Variants in AUNIP observed in about 807,000 individuals in gnomAD.
AUNIP encodes the protein aurora kinase A and ninein interacting protein, also known as aurora kinase A- and ninein-interacting protein.
In AUNIP, 16 loss-of-function variants were observed where a neutral mutation model predicts 12.2. That is an observed-to-expected ratio of 1.31 (90% CI 0.88 to 1.99). The LOEUF (loss-of-function observed/expected upper bound fraction) is 1.99, where lower values mean the gene tolerates loss of function less well. Among genes scored for constraint, AUNIP ranks in the 30% most tolerant of loss-of-function variants. AUNIP has a pLI of 0.00. For synonymous variants in AUNIP, 142 were observed against 154.8 expected (o/e 0.92, Z 0.61); for missense variants, 411 against 419.1 (o/e 0.98, Z 0.17).
chr1:25,853,505 G>A (rs1349702777), intron 1 of AUNIP, among the ~76,000 whole-genome samples: 1 of 152,168 alleles, frequency 6.6e-6, no homozygotes, highest in Non-Finnish European at 1.5e-5. Context: ...GGTGAGGCAG[G>A]AGAATCGTCT....
chr1:25,852,567 G>A (rs987278767), intron 1 of AUNIP, among the ~76,000 whole-genome samples: 2 of 151,174 alleles, frequency 1.3e-5, no homozygotes, highest in East Asian at 3.9e-4. Context: ...AGCCTCCTGA[G>A]TAGCTGGGAT....
chr1:25,845,397 C>T (rs908147084), intron 1 of AUNIP, among the ~76,000 whole-genome samples: 6 of 152,178 alleles, frequency 3.9e-5, no homozygotes, highest in African/African-American at 1.4e-4. Context: ...TCCATGCATC[C>T]CATAACATAA....
rs202007540 is a variant in AUNIP, at chr1:25,835,767, C to T, written c.300G>A (p.Ala100=). The T allele has an allele frequency of 3.7e-5, 59 of 1,614,128 alleles. No homozygotes were observed. Among genetic ancestry groups the T allele is most frequent in the East Asian group, 1.3e-4 (6 of 44,888 alleles). The part of the protein sequence containing the change: ...SQINKESKKN[A]TQLDHLIPGL... ...CTGGGATCAAATGGTCTAGCTGGGT[C>T]GCATTTTTCTTGGACTCTTTGTTGA... is the stretch of plus-strand genomic sequence containing the variant. The change falls in exon 3 of 3, where the codon GCG becomes GCA. Residue 100 remains alanine, a synonymous_variant. Coordinates refer to ENST00000374298, the MANE Select transcript of AUNIP (RefSeq NM_024037.3).
rs554326530 is a variant in AUNIP, at chr1:25,834,445, C to T, written c.*548G>A. On this transcript the variant is annotated 3_prime_UTR_variant, in exon 3 of 3. Transcript: ENST00000374298. ...CCTGGCTAATATGGTGAAACCTCGT[C>T]TCTACTAAAAATCCAAAAAAAATTA... 76 of 817,320 alleles carry T rather than the reference C, an allele frequency of 9.3e-5. 1 individual carries two copies. In the African/African-American group the frequency reaches 1.0e-3, roughly 11 times the overall value. The allele number at this position is 817,320 out of a possible 1,614,324, so 50.6% of individuals were successfully genotyped here.
chr1:25,859,423 A>T lies in AUNIP; in HGVS notation c.-66T>A, dbSNP rs959250281. ...CTCCCGGCGCCTCAGGGAACGCCAG[A>T]ACCGCGGCCGCCGACGTTCGGATCT... On this transcript the variant is annotated 5_prime_UTR_variant, in exon 1 of 3. Coordinates refer to ENST00000374298, the MANE Select transcript of AUNIP (RefSeq NM_024037.3). 9.2e-5 allele frequency: 127 copies of T among 1,387,506 alleles called. No individual in the cohort carries two copies. Among genetic ancestry groups the T allele is most frequent in the Non-Finnish European group, 1.1e-4 (122 of 1,065,130 alleles). The allele number at this position is 1,387,506 out of a possible 1,614,324, so 85.9% of individuals were successfully genotyped here.
chr1:25,856,371 A>AC (rs2048460612), intron 1 of AUNIP, among the ~76,000 whole-genome samples: 1 of 151,654 alleles, frequency 6.6e-6, no homozygotes, highest in Non-Finnish European at 1.5e-5. Context: ...CTCAAAAAAA[A>AC]AAAAACAAAA....
chr1:25,854,084 G>A (rs973857515), intron 1 of AUNIP, among the ~76,000 whole-genome samples: 1 of 152,048 alleles, frequency 6.6e-6, no homozygotes, highest in South Asian at 2.1e-4. Context: ...AGTGGTGCAC[G>A]CCTGTAATCC....
At chr1:25,843,164 C>A (rs1469289055) in intron 1 of AUNIP, among the ~76,000 whole-genome samples, 2 of 121,688 alleles carry the variant, frequency 1.6e-5, no homozygotes, top group Admixed American at 7.6e-5. Context: ...GTGACAGAGA[C>A]CCCATCTCAA....
At chr1:25,848,517 C>T (rs1351130183) in intron 1 of AUNIP, among the ~76,000 whole-genome samples, 1 of 148,010 alleles carries the variant, frequency 6.8e-6, no homozygotes, top group East Asian at 2.0e-4. Context: ...GAATCTTATG[C>T]AAGGAGAGGC....
intron 1 of AUNIP, among the ~76,000 whole-genome samples, chr1:25,856,341 G>A (rs2048459894): frequency 4.0e-5 from 6 of 150,968 alleles, no homozygotes; most frequent in Admixed American, 4.0e-4. Flanking sequence ...TCCAGCCTGG[G>A]TGACAGAGCA....
chr1:25,837,921 T>C (rs1451299008), intron 1 of AUNIP, among the ~76,000 whole-genome samples: 2 of 152,300 alleles, frequency 1.3e-5, no homozygotes, highest in East Asian at 3.9e-4. Flanking sequence ...AGTAGTCACA[T>C]AGTGGTGGTT....
intron 1 of AUNIP, among the ~76,000 whole-genome samples, chr1:25,841,981 A>G (rs2048350457): frequency 6.6e-6 from 1 of 152,134 alleles, no homozygotes; most frequent in Non-Finnish European, 1.5e-5. Context: ...GGGCTGCCCT[A>G]TTTAATACTG....
Position 25,859,403 on chromosome 1 carries a change from G to T in AUNIP, c.-46C>A. The stretch of plus-strand genomic sequence containing the variant: ...CGGCAGGACGCCGGCGCAGGCTCCC[G>T]GCGCCTCAGGGAACGCCAGAACCGC... On this transcript the variant is annotated 5_prime_UTR_variant, in exon 1 of 3. Coordinates refer to ENST00000374298, the MANE Select transcript of AUNIP (RefSeq NM_024037.3). 1 of 1,462,818 alleles carries T rather than the reference G, an allele frequency of 6.8e-7. No homozygotes were observed. The highest frequency in any genetic ancestry group is 2.8e-5 in the Admixed American group (1 of 36,050). The allele number at this position is 1,462,818 out of a possible 1,614,324, so 90.6% of individuals were successfully genotyped here.
downstream of AUNIP, among the ~76,000 whole-genome samples, chr1:25,833,125 C>CT (rs544620811): frequency 1.7e-4 from 26 of 151,790 alleles, no homozygotes; most frequent in Non-Finnish European, 2.6e-4. Flanking sequence ...TACTCTTTTT[C>CT]TTTTTTTTAG....
chr1:25,856,907 A>G (rs1040812127), intron 1 of AUNIP, among the ~76,000 whole-genome samples: 1 of 151,916 alleles, frequency 6.6e-6, no homozygotes, highest in Non-Finnish European at 1.5e-5. Flanking sequence ...CAGGAGTTCA[A>G]GACCAGCCTA....
chr1:25,833,045 C>G (rs1004090003), downstream of AUNIP: 158 of 152,266 alleles, frequency 1.0e-3, 1 homozygote, highest in African/African-American at 3.5e-3. Context: ...CTACTGGCTT[C>G]TCCTCTTTCC....
At chr1:25,841,808 G>A (rs939105522) in intron 1 of AUNIP, among the ~76,000 whole-genome samples, 3 of 152,196 alleles carry the variant, frequency 2.0e-5, no homozygotes, top group African/African-American at 7.2e-5. Context: ...ACAGGCGTGA[G>A]CCACTGCGCC....
In AUNIP at chr1:25,834,451, T is replaced by A; in HGVS notation, c.*542A>T. 1.2e-6 allele frequency: 1 copy of A among 805,058 alleles called. No homozygotes were observed. The highest frequency in any genetic ancestry group is 1.5e-6 in the Non-Finnish European group (1 of 665,986). The allele number at this position is 805,058 out of a possible 1,614,324, so 49.9% of individuals were successfully genotyped here. A position where few individuals can be genotyped will look rare whatever the true frequency, so the allele number is the denominator to read the frequency against. On this transcript the variant is annotated 3_prime_UTR_variant, in exon 3 of 3. Coordinates refer to ENST00000374298, the MANE Select transcript of AUNIP (RefSeq NM_024037.3). ...TAATATGGTGAAACCTCGTCTCTACTAAAAATCCAAAAAAAATTAGCTGGG... is the reference window on the plus strand; with the variant it reads ...TAATATGGTGAAACCTCGTCTCTACAAAAAATCCAAAAAAAATTAGCTGGG...
downstream of AUNIP, chr1:25,832,887 G>GTGTT (rs912408702): frequency 3.9e-5 from 6 of 152,542 alleles, no homozygotes; most frequent in African/African-American, 7.2e-5. Flanking sequence ...TATACTGCTT[G>GTGTT]TGTTTGGGTT....
Sources: allele counts gnomAD v4.1 joint callset (sites outside exome capture counted in the v4.1 genomes callset), GRCh38; gene constraint gnomAD v4.1.1; transcripts MANE v1.5; gene names NCBI Gene and HGNC (gene_info 2026-07-23, HGNC 2026-07-21).